Variants in ESRRG observed in about 807,000 individuals in gnomAD.
ESRRG encodes estrogen-related receptor gamma.
In ESRRG, 13 loss-of-function variants were observed where a neutral mutation model predicts 44.0. The ratio of observed to expected loss-of-function variants is 0.30; its 90% CI spans 0.19 to 0.47. The LOEUF (loss-of-function observed/expected upper bound fraction) is 0.47, where lower values mean the gene tolerates loss of function less well. ESRRG is among the 20% of genes least tolerant of loss of function. The pLI, the probability that ESRRG is intolerant of heterozygous loss-of-function variation, is 1.00. For missense variants in ESRRG, 395 were observed against 580.6 expected (o/e 0.68, Z 3.29); for synonymous variants, 215 against 214.6 (o/e 1.00, Z -0.02).
intron 1 of ESRRG, among the ~76,000 whole-genome samples, chr1:217,049,338 T>C (rs1169946166): frequency 6.6e-6 from 1 of 152,140 alleles, no homozygotes; most frequent in Non-Finnish European, 1.5e-5. Context: ...CCTAAACCTA[T>C]TTGCCTGGGG....
chr1:217,094,775 A>C (rs1275978704), intron 1 of ESRRG, among the ~76,000 whole-genome samples: 1 of 152,244 alleles, frequency 6.6e-6, no homozygotes, highest in African/African-American at 2.4e-5. Context: ...TGAGTTGGCT[A>C]TACAAATAAA....
chr1:217,112,213 G>C (rs2092669149), intron 1 of ESRRG, among the ~76,000 whole-genome samples: 1 of 152,172 alleles, frequency 6.6e-6, no homozygotes, highest in Non-Finnish European at 1.5e-5. Context: ...TAAAATGTTT[G>C]AGCCACAAAG....
At chr1:217,031,134 C>G (rs1579780250) in intron 1 of ESRRG, among the ~76,000 whole-genome samples, 2 of 152,092 alleles carry the variant, frequency 1.3e-5, no homozygotes, top group Admixed American at 1.3e-4. Flanking sequence ...TTTACATTTT[C>G]TAAGAGTTAT....
intron 1 of ESRRG, among the ~76,000 whole-genome samples, chr1:216,693,477 G>T (rs1047553102): frequency 6.6e-6 from 1 of 152,046 alleles, no homozygotes; most frequent in Non-Finnish European, 1.5e-5. Context: ...ATCCATGGGG[G>T]ATTCATTCTA....
At chr1:216,508,974 A>C (rs1157802553) in intron 6 of ESRRG, among the ~76,000 whole-genome samples, 2 of 152,166 alleles carry the variant, frequency 1.3e-5, no homozygotes, top group East Asian at 3.8e-4. Context: ...TGGGAATTAC[A>C]CTCTGCAGTG....
chr1:216,992,028 A>T (rs1376902746), intron 1 of ESRRG, among the ~76,000 whole-genome samples: 1 of 152,152 alleles, frequency 6.6e-6, no homozygotes, highest in Non-Finnish European at 1.5e-5. Context: ...GAGGCCAAAA[A>T]ATAATAGGGG....
intron 2 of ESRRG, among the ~76,000 whole-genome samples, chr1:216,916,556 T>C (rs980329085): frequency 6.6e-6 from 1 of 152,350 alleles, no homozygotes; most frequent in South Asian, 2.1e-4. Flanking sequence ...TTCTGATACA[T>C]GCACCGCCAG....
At chr1:216,762,076 C>CT (rs1473919547) in intron 2 of ESRRG, among the ~76,000 whole-genome samples, 1 of 152,004 alleles carries the variant, frequency 6.6e-6, no homozygotes, top group South Asian at 2.1e-4. Context: ...ATTAAATGCC[C>CT]TTTTTTCCTT....
chr1:216,683,541 T>G (rs1193661172), intron 1 of ESRRG, among the ~76,000 whole-genome samples: 2 of 152,188 alleles, frequency 1.3e-5, no homozygotes, highest in Admixed American at 6.5e-5. Context: ...CCTGAGTTGC[T>G]GACAAGAGAT....
At chr1:216,864,547 A>C (rs989672819) in intron 2 of ESRRG, 1 of 139,972 alleles carries the variant, frequency 7.1e-6, no homozygotes, top group African/African-American at 3.0e-5. Context: ...GGTTTAAGGA[A>C]ATAAAAAAAC....
At chr1:216,532,131 G>GAA (rs539424071) in intron 5 of ESRRG, among the ~76,000 whole-genome samples, 2,723 of 139,584 alleles carry the variant, frequency 0.02, 94 homozygotes, top group African/African-American at 0.066. Flanking sequence ...AGAAATGGAG[G>GAA]AAAAAAAAAA....
chr1:216,853,061 G>A (rs1250743763), intron 2 of ESRRG, among the ~76,000 whole-genome samples: 1 of 152,156 alleles, frequency 6.6e-6, no homozygotes, highest in Admixed American at 6.5e-5. Context: ...CCCAAACTTT[G>A]TAATACTCTA....
chr1:217,018,339 T>G (rs938425095), intron 1 of ESRRG, among the ~76,000 whole-genome samples: 8 of 152,204 alleles, frequency 5.3e-5, no homozygotes, highest in African/African-American at 1.9e-4. Flanking sequence ...TCTCCTAGAC[T>G]GGTCCCGTTT....
At chr1:216,774,795 C>CTTTTTTTTT (rs1178221974) in intron 2 of ESRRG, among the ~76,000 whole-genome samples, 406 of 40,080 alleles carry the variant, frequency 0.01, 1 homozygote, top group African/African-American at 0.055. Flanking sequence ...TGAATAATTT[C>CTTTTTTTTT]TTCTTTTTTT....
At chr1:217,027,264 C>A (rs2081361460) in intron 1 of ESRRG, among the ~76,000 whole-genome samples, 1 of 152,070 alleles carries the variant, frequency 6.6e-6, no homozygotes, top group African/African-American at 2.4e-5. Flanking sequence ...ACATCCTGAA[C>A]CCACATTATA....
At chr1:216,918,139 A>G (rs2061411872) in intron 2 of ESRRG, among the ~76,000 whole-genome samples, 1 of 152,244 alleles carries the variant, frequency 6.6e-6, no homozygotes, top group African/African-American at 2.4e-5. Context: ...AAATCTACAA[A>G]GGCATTTGTA....
chr1:216,829,177 T>C (rs2095445255), intron 2 of ESRRG, among the ~76,000 whole-genome samples: 2 of 152,156 alleles, frequency 1.3e-5, no homozygotes, highest in Admixed American at 1.3e-4. Context: ...GTGAAGTTTA[T>C]TCTTTCTCCA....
intron 1 of ESRRG, chr1:216,714,670 G>C (rs1406146240): frequency 2.0e-6 from 1 of 492,664 alleles, no homozygotes; most frequent in African/African-American, 2.1e-5. Context: ...AATACAATTT[G>C]AGTTTTTAAC....
intron 1 of ESRRG, among the ~76,000 whole-genome samples, chr1:216,980,777 A>G (rs1181683649): frequency 3.3e-5 from 5 of 152,080 alleles, no homozygotes; most frequent in African/African-American, 1.2e-4. Flanking sequence ...GTCCATTACA[A>G]CTCTGTTCAT....
Sources: allele counts gnomAD v4.1 joint callset (sites outside exome capture counted in the v4.1 genomes callset), GRCh38; gene constraint gnomAD v4.1.1; transcripts MANE v1.5; gene names NCBI Gene and HGNC (gene_info 2026-07-23, HGNC 2026-07-21).